MLLT6: variants seen among roughly 807,000 people sequenced by gnomAD.
The protein encoded by MLLT6 is protein AF-17.
Under a neutral mutation model 103.0 loss-of-function variants are expected in MLLT6, and 22 were observed. The ratio of observed to expected loss-of-function variants is 0.21; its 90% confidence interval spans 0.15 to 0.31. The LOEUF is 0.31. Ranked by LOEUF, MLLT6 falls within the 10% of genes least tolerant of loss-of-function variation. The pLI is 1.00. For synonymous variants in MLLT6, 606 were observed against 623.5 expected, an observed-to-expected ratio of 0.97 and a Z score of 0.42; for missense variants, 1,199 against 1,441.7, an observed-to-expected ratio of 0.83 and a Z score of 2.73.
Position 38,728,335 on chromosome 17 carries a change from A to G in MLLT6, c.*2737A>G, listed in dbSNP as rs1436849072. ...TCCTAACCTCAGTCCCTTTTTTGAG[A>G]GTGAATGGTGGAGGGTGGGAAGGGA... On this transcript the variant is annotated 3_prime_UTR_variant, in exon 20 of 20. Transcript: ENST00000621332. 3 of 232,978 alleles carry G rather than the reference A, an allele frequency of 1.3e-5. No homozygotes were observed. Among genetic ancestry groups the G allele is most frequent in the African/African-American group, 6.6e-5 (3 of 45,244 alleles). 14.4% of individuals were successfully genotyped at this position (232,978 alleles called of 1,614,324 possible). A position where few individuals can be genotyped will look rare whatever the true frequency, so the allele number is the denominator to read the frequency against.
In MLLT6 at chr17:38,720,550, C is replaced by G; in HGVS notation, c.2334C>G (p.Pro778=). 1 of 1,612,106 alleles carries G rather than the reference C, an allele frequency of 6.2e-7. No individual in the cohort carries two copies. The highest frequency in any genetic ancestry group is 8.5e-7 in the Non-Finnish European group (1 of 1,179,522). Residue 778 remains proline (P), a synonymous_variant, in exon 15 of 20, where the codon CCC becomes CCG. Coordinates refer to ENST00000621332, the MANE Select transcript of MLLT6 (RefSeq NM_005937.4). ...LPAANGPVPG[P]YGLPPQAGSS... ...CCGCCAACGGCCCTGTCCCTGGGCC[C>G]TATGGCCTGCCTCCCCAAGGTGAGG...
intron 4 of MLLT6, chr17:38,708,187 A>G (rs1228676376): frequency 2.4e-6 from 1 of 411,596 alleles, no homozygotes; most frequent in East Asian, 4.9e-5. Flanking sequence ...GGTAGCTGGC[A>G]CACGCTGTTC....
At chr17:38,712,534 G>A (rs958540018) in intron 7 of MLLT6, among the ~76,000 whole-genome samples, 157 bp from the exon 8 acceptor site, 2 of 152,100 alleles carry the variant, frequency 1.3e-5, no homozygotes, top group Admixed American at 6.5e-5. Flanking sequence ...TGCCTGAATC[G>A]CTCCTGCCCA....
chr17:38,718,025 A>G (rs1267463873), intron 12 of MLLT6, 72 bp downstream of exon 12: 7 of 1,080,030 alleles, frequency 6.5e-6, no homozygotes, highest in East Asian at 4.9e-5. Flanking sequence ...ATGTGACCCC[A>G]GAAAGAATGG....
chr17:38,706,857 C>T, intron 1 of MLLT6, 93 bp from the exon 2 acceptor site: 1 of 1,058,264 alleles, frequency 9.4e-7, no homozygotes. Flanking sequence ...GGAACTGGCT[C>T]TAGTCCTTTG....
At chr17:38,706,870 G>A in intron 1 of MLLT6, 80 bp from the exon 2 acceptor site, 1 of 1,245,076 alleles carries the variant, frequency 8.0e-7, no homozygotes, top group Non-Finnish European at 1.1e-6. Flanking sequence ...GTCCTTTGGA[G>A]TCACCGCCTT....
At chr17:38,717,133 G>C in intron 10 of MLLT6, 152 bp downstream of exon 10, 2 of 1,196,598 alleles carry the variant, frequency 1.7e-6, no homozygotes, top group Non-Finnish European at 2.3e-6. Flanking sequence ...ATCCCCCTCT[G>C]CATGCGTGGA....
intron 12 of MLLT6, 152 bp downstream of exon 12, chr17:38,718,105 T>C: frequency 1.7e-6 from 1 of 593,194 alleles, no homozygotes; most frequent in East Asian, 2.9e-5. Flanking sequence ...CCGGGTGTGG[T>C]GGCTCACGCC....
Position 38,705,327 on chromosome 17 carries a change from A to G in MLLT6, c.-306A>G. ...GGCTACGCGGCGGCGGGGCGGCCCT[A>G]GGAGCCGGGCGAGCGGCGCGGAGGG... On this transcript the variant is annotated 5_prime_UTR_variant, in exon 1 of 20. Transcript: ENST00000621332. 7.0e-6 allele frequency among the ~76,000 whole-genome samples: 1 copy of G among 142,684 alleles called. No homozygotes were observed. Among genetic ancestry groups the G allele is most frequent in the East Asian group, 2.2e-4 (1 of 4,556 alleles). The allele number at this position is 142,684 out of a possible 152,430, so 93.6% of individuals were successfully genotyped here. A position where few individuals can be genotyped will look rare whatever the true frequency, so the allele number is the denominator to read the frequency against.
intron 14 of MLLT6, chr17:38,720,097 G>C (rs1399060924): frequency 1.3e-6 from 1 of 794,714 alleles, no homozygotes; most frequent in Non-Finnish European, 1.9e-6. Context: ...TTTGGCCTTC[G>C]TGGCCTCCGG....
chr17:38,715,911 G>C (rs1424853328), intron 9 of MLLT6, 83 bp downstream of exon 9: 5 of 1,214,990 alleles, frequency 4.1e-6, no homozygotes, highest in Non-Finnish European at 5.8e-6. Context: ...TTTGCATATT[G>C]GTTTTGCATC....
intron 6 of MLLT6, among the ~76,000 whole-genome samples, chr17:38,711,605 G>T (rs1051430102): frequency 6.6e-6 from 1 of 152,120 alleles, no homozygotes; most frequent in Non-Finnish European, 1.5e-5. Context: ...ACGCATCCTT[G>T]CCTCTTCTGG....
rs756089657 is a variant in MLLT6, at chr17:38,715,743, T to C, written c.951T>C (p.Ser317=). 8.9e-5 allele frequency: 143 copies of C among 1,613,982 alleles called. No individual in the cohort carries two copies. Among genetic ancestry groups the C allele is most frequent in the Non-Finnish European group, 1.2e-4 (138 of 1,179,988 alleles). ...GTCATAAAGGGAAGAAACTGAGCAG[T>C]GGGAAAGGTGTGAGCAGTTTTACCT... The part of the protein sequence containing the change: ...SLSHKGKKLS[S]GKGVSSFTSA... The change falls in exon 9 of 20, where the codon AGT becomes AGC. Residue 317 remains serine, a synonymous_variant. Coordinates refer to ENST00000621332, the MANE Select transcript of MLLT6 (RefSeq NM_005937.4).
chr17:38,711,435 C>T (rs933513282), intron 6 of MLLT6, among the ~76,000 whole-genome samples: 7 of 152,064 alleles, frequency 4.6e-5, no homozygotes, highest in South Asian at 2.1e-4. Context: ...ATATGGAGTG[C>T]AGGGGAGCAC....
In MLLT6 at chr17:38,709,554, C is replaced by T; in HGVS notation, c.531C>T (p.Cys177=). Residue 177 remains cysteine (C), a synonymous_variant, in exon 6 of 20, where the codon TGC becomes TGT. Transcript: ENST00000621332. The surrounding 1 kb of genome is among the most constrained non-coding windows in gnomAD (Gnocchi z 4.3). ...ACAACGTCAAGTACTGCGGCTACTG[C>T]AAATACCACTTCAGCAAGATGGTGA... The part of the protein sequence containing the change: ...EVDNVKYCGY[C]KYHFSKMKTS... 6.2e-7 allele frequency: 1 copy of T among 1,613,858 alleles called. No homozygotes were observed.
intron 1 of MLLT6, 49 bp downstream of exon 1, chr17:38,705,790 G>C (rs769481758): frequency 1.1e-6 from 1 of 914,292 alleles, no homozygotes; most frequent in Admixed American, 4.6e-5. Flanking sequence ...GGCGGCGTGC[G>C]CGGGGCGCCC....
At chr17:38,725,012 C>T in intron 19 of MLLT6, 36 bp downstream of exon 19, 1 of 1,360,666 alleles carries the variant, frequency 7.3e-7, no homozygotes. Flanking sequence ...TGCCTCCCCT[C>T]TGAGGGATGG....
At chr17:38,713,358 C>A (rs1905210838) in intron 8 of MLLT6, 1 of 364,630 alleles carries the variant, frequency 2.7e-6, no homozygotes, top group Non-Finnish European at 4.9e-6. Context: ...GAGCGATAGG[C>A]AGGCCCTACC....
rs1388602515 is a variant in MLLT6 at position 38,720,492 on chromosome 17, T to G, written c.2276T>G (p.Val759Gly). 2 of 1,612,628 alleles carry G rather than the reference T, an allele frequency of 1.2e-6. No homozygotes were observed. Residue 759 changes from valine to glycine, a missense_variant, in exon 15 of 20, where the codon GTG becomes GGG. Around this residue, in one of 7 missense-constraint regions of MLLT6, gnomAD observed 1,034 missense variants for 1,091.5 expected, o/e 0.95. Transcript: ENST00000621332. The stretch of plus-strand genomic sequence containing the variant: ...CAGATTCTCAACGTGCAGCTCTCTG[T>G]GCCCTTCCCTGCCCTGCCTGCTGCC... ...RLQILNVQLS[V>G]PFPALPAALP...
Sources: allele counts gnomAD v4.1 joint callset (sites outside exome capture counted in the v4.1 genomes callset), GRCh38; gene constraint gnomAD v4.1.1; regional missense constraint gnomAD v4.1.1; non-coding constraint Gnocchi (gnomAD v3.1); transcripts MANE v1.5; gene names NCBI Gene and HGNC (gene_info 2026-07-23, HGNC 2026-07-21).